GLG1: variants seen among roughly 807,000 people sequenced by gnomAD.
The protein encoded by GLG1 is golgi glycoprotein 1.
Under a neutral mutation model 160.5 loss-of-function variants are expected in GLG1, and 38 were observed. The ratio of observed to expected loss-of-function variants is 0.24; its 90% CI spans 0.18 to 0.31. The LOEUF is 0.31. Ranked by LOEUF, GLG1 falls within the 10% of genes least tolerant of loss-of-function variation. GLG1 has a pLI of 1.00. For missense variants in GLG1, 1,373 were observed against 1,505.2 expected, an observed-to-expected ratio of 0.91 and a Z score of 1.45; for synonymous variants, 644 against 543.4, an observed-to-expected ratio of 1.19 and a Z score of -2.57.
chr16:74,499,530 G>A (rs143906750), intron 4 of GLG1, among the ~76,000 whole-genome samples: 22 of 152,266 alleles, frequency 1.4e-4, no homozygotes, highest in Middle Eastern at 3.4e-3. Flanking sequence ...CAGGTTTGTA[G>A]CCTAGGAGCA....
chr16:74,591,402 G>A (rs1958181179), intron 1 of GLG1, among the ~76,000 whole-genome samples: 1 of 151,858 alleles, frequency 6.6e-6, no homozygotes, highest in African/African-American at 2.4e-5. Flanking sequence ...GCTGAGGCAG[G>A]TGGATCACAA....
chr16:74,496,954 T>A (rs2016212496), intron 4 of GLG1, among the ~76,000 whole-genome samples: 3 of 152,110 alleles, frequency 2.0e-5, no homozygotes, highest in Admixed American at 2.0e-4. Flanking sequence ...AACCTGAATT[T>A]TTAAAAATTT....
At chr16:74,494,332 G>A (rs768237278) in intron 6 of GLG1, among the ~76,000 whole-genome samples, 2 of 151,668 alleles carry the variant, frequency 1.3e-5, no homozygotes, top group Non-Finnish European at 2.9e-5. Context: ...TCTGAAAGCG[G>A]TGAGCTTTAT....
chr16:74,476,484 C>T (rs557267718), intron 12 of GLG1, among the ~76,000 whole-genome samples: 49 of 152,262 alleles, frequency 3.2e-4, no homozygotes, highest in African/African-American at 1.1e-3. Flanking sequence ...AATTCCTGTA[C>T]GTGTGACTTT....
intron 1 of GLG1, among the ~76,000 whole-genome samples, chr16:74,590,734 C>G (rs1425326817): frequency 6.9e-6 from 1 of 144,748 alleles, no homozygotes; most frequent in Admixed American, 7.1e-5. Flanking sequence ...GAGGCAGAGG[C>G]TGCAGTGAGC....
intron 2 of GLG1, among the ~76,000 whole-genome samples, chr16:74,512,181 C>T (rs1345173073): frequency 1.6e-4 from 23 of 143,596 alleles, no homozygotes; most frequent in Middle Eastern, 3.3e-3. Context: ...TTTTCTCAGA[C>T]GGAGTCTTGC....
intron 1 of GLG1, among the ~76,000 whole-genome samples, chr16:74,542,961 G>C (rs901615894): frequency 6.6e-6 from 1 of 152,078 alleles, no homozygotes; most frequent in Non-Finnish European, 1.5e-5. Context: ...AATGAGGGAT[G>C]TAAGATTACA....
rs183575028 is a variant in GLG1 at position 74,516,869 on chromosome 16, C to T, written c.472-7944G>A. The stretch of plus-strand genomic sequence containing the variant: ...GACACAATAAAAAATAATAAAGGGG[C>T]TATCACCACCGATCCCACAGAAATA... On this transcript the variant is annotated intron_variant, in intron 2 of 25. Coordinates refer to ENST00000422840, the MANE Select transcript of GLG1 (RefSeq NM_001145667.2). 1.8e-3 allele frequency among the ~76,000 whole-genome samples: 281 copies of T among 152,036 alleles called. 4 individuals carry two copies. The highest frequency in any genetic ancestry group is 6.5e-3 in the African/African-American group (270 of 41,486).
chr16:74,497,716 C>T (rs1056832500), intron 4 of GLG1, among the ~76,000 whole-genome samples: 11 of 152,146 alleles, frequency 7.2e-5, no homozygotes, highest in Non-Finnish European at 2.9e-5. Context: ...GGATTACTGG[C>T]GTGAGCCACT....
chr16:74,497,787 G>A lies in GLG1; in HGVS notation c.775-1143C>T, dbSNP rs190749309. ...ACCAACAAACCACATAATCCACTAAGAAGTTAGAGACTTTCTTGCTCCTTT... is the reference window on the plus strand; with the variant it reads ...ACCAACAAACCACATAATCCACTAAAAAGTTAGAGACTTTCTTGCTCCTTT... On this transcript the variant is annotated intron_variant, in intron 4 of 25. Coordinates refer to ENST00000422840, the MANE Select transcript of GLG1 (RefSeq NM_001145667.2). Among the ~76,000 whole-genome samples the A allele has an allele frequency of 3.4e-3, 514 of 152,298 alleles. 5 individuals are homozygous for A. The highest frequency in any genetic ancestry group is 0.01 in the Middle Eastern group (3 of 294).
At chr16:74,487,638 C>T (rs991972685) in intron 8 of GLG1, among the ~76,000 whole-genome samples, 3 of 151,910 alleles carry the variant, frequency 2.0e-5, no homozygotes, top group African/African-American at 2.4e-5. Flanking sequence ...CATTTGTTGA[C>T]AAAGACCAAA....
At chr16:74,598,304 G>A (rs548417866) in intron 1 of GLG1, among the ~76,000 whole-genome samples, 11 of 148,466 alleles carry the variant, frequency 7.4e-5, no homozygotes, top group South Asian at 2.1e-4. Context: ...GGCGGATCAC[G>A]AGGTCAAGAG....
chr16:74,566,530 T>C (rs2018658485), intron 1 of GLG1, among the ~76,000 whole-genome samples: 1 of 152,208 alleles, frequency 6.6e-6, no homozygotes, highest in Non-Finnish European at 1.5e-5. Context: ...CAATGTTGTT[T>C]AGATTTAGTC....
chr16:74,452,854 C>G lies in GLG1; in HGVS notation c.*313G>C. Reference sequence around the variant, plus strand: ...TTAAAAAAGCCTTTGAGTTGCAGGTCAGGTGAGTTGGTTCTGGAAGTACCG... The same window carrying G: ...TTAAAAAAGCCTTTGAGTTGCAGGTGAGGTGAGTTGGTTCTGGAAGTACCG... On this transcript the variant is annotated 3_prime_UTR_variant, in exon 26 of 26. Coordinates refer to ENST00000422840, the MANE Select transcript of GLG1 (RefSeq NM_001145667.2). 1 of 1,076,700 alleles carries G rather than the reference C, an allele frequency of 9.3e-7. No individual in the cohort carries two copies. Among genetic ancestry groups the G allele is most frequent in the Non-Finnish European group, 1.1e-6 (1 of 890,106 alleles). The allele number at this position is 1,076,700 out of a possible 1,614,324, so 66.7% of individuals were successfully genotyped here.
chr16:74,583,820 T>A (rs1047686253), intron 1 of GLG1, among the ~76,000 whole-genome samples: 2 of 152,194 alleles, frequency 1.3e-5, no homozygotes, highest in Non-Finnish European at 2.9e-5. Context: ...GGCTACGTCC[T>A]CCACTCGACC....
intron 2 of GLG1, among the ~76,000 whole-genome samples, chr16:74,513,753 T>A (rs2016886950): frequency 6.6e-6 from 1 of 151,996 alleles, no homozygotes; most frequent in Admixed American, 6.6e-5. Flanking sequence ...ACACAACTCC[T>A]CACCAGCAAG....
At position 74,505,786 on chromosome 16, in the gene GLG1, C is replaced by T. The variant is rs187397241; in HGVS notation, c.559-2040G>A. On this transcript the variant is annotated intron_variant, in intron 3 of 25. Coordinates refer to ENST00000422840, the MANE Select transcript of GLG1 (RefSeq NM_001145667.2). ...AGGAGAATTGCTAGAACCCGGCAGG[C>T]GGAGGTTGCAGTGAGCTGAGATTGA... Among the ~76,000 whole-genome samples the T allele has an allele frequency of 2.8e-4, 43 of 151,984 alleles. No individual in the cohort carries two copies. The East Asian group carries it at 7.5e-3, about 27-fold the overall frequency.
Position 74,477,401 on chromosome 16 carries a change from C to T in GLG1, c.1960G>A (p.Gly654Arg). ...GKWCSEKTET[G>R]QELECLQDHL... ...CAGAAAGCGATGTCACCTACCTGTCCAGTCTCTGTTTTCTCACTGCACCAT... is the reference window on the plus strand; with the variant it reads ...CAGAAAGCGATGTCACCTACCTGTCTAGTCTCTGTTTTCTCACTGCACCAT... Residue 654 changes from glycine to arginine, a missense_variant, in exon 12 of 26, where the codon GGA becomes AGA. This residue lies in a region of GLG1 where 386 missense variants were observed against 388.5 expected (regional missense o/e 0.99). Coordinates refer to ENST00000422840, the MANE Select transcript of GLG1 (RefSeq NM_001145667.2). 1 of 1,610,986 alleles carries T rather than the reference C, an allele frequency of 6.2e-7. No homozygotes were observed. Among genetic ancestry groups the T allele is most frequent in the African/African-American group, 1.3e-5 (1 of 74,978 alleles).
At chr16:74,601,219 A>G (rs1478142887) in intron 1 of GLG1, among the ~76,000 whole-genome samples, 1 of 152,162 alleles carries the variant, frequency 6.6e-6, no homozygotes, top group Non-Finnish European at 1.5e-5. Flanking sequence ...AAACTTTACA[A>G]TATATACATA....
Sources: gnomAD v4.1 joint callset for allele counts (sites outside exome capture counted in the v4.1 genomes callset) on GRCh38, gnomAD v4.1.1 for gene constraint, gnomAD v4.1.1 regional missense constraint, MANE v1.5 for transcripts, NCBI Gene and HGNC (gene_info 2026-07-23, HGNC 2026-07-21) for gene names.